The following ZKSCAN3 variants were observed in gnomAD, a reference collection of about 807,000 sequenced individuals.
The protein encoded by ZKSCAN3 is zinc finger with KRAB and SCAN domains 3, also known as zinc finger protein with KRAB and SCAN domains 3.
Under a neutral mutation model 30.7 loss-of-function variants are expected in ZKSCAN3, and 21 were observed. The ratio of observed to expected loss-of-function variants is 0.68; its 90% CI spans 0.49 to 0.99. ZKSCAN3 has a LOEUF of 0.99. Ranked by LOEUF, ZKSCAN3 falls within the 50% of genes least tolerant of loss-of-function variation. The probability of loss-of-function intolerance (pLI) is 0.00; values close to 1 mark genes in which losing one functional copy is unlikely to be tolerated. For synonymous variants in ZKSCAN3, 201 were observed against 246.7 expected (o/e 0.81, Z 1.73); for missense variants, 507 against 647.1 (o/e 0.78, Z 2.35).
In ZKSCAN3 at chr6:28,359,717, G is replaced by C; in HGVS notation, c.131G>C (p.Gly44Ala). The C allele has an allele frequency of 6.2e-7, 1 of 1,614,234 alleles. No homozygotes were observed. The highest frequency in any genetic ancestry group is 1.3e-5 in the African/African-American group (1 of 75,068). ...FPSSPDLGSE[G>A]SRERFRGFRY... ...AGTAGCCCAGATCTGGGTTCTGAGG[G>C]CTCCCGCGAGCGCTTCCGAGGCTTC... The change falls in exon 2 of 6, where the codon GGC becomes GCC. Residue 44 changes from glycine to alanine, a missense_variant. Coordinates refer to ENST00000252211, the MANE Select transcript of ZKSCAN3 (RefSeq NM_024493.4).
At position 28,359,537 on chromosome 6, in the gene ZKSCAN3, G is replaced by GA; in HGVS notation, c.-47dup. 1 of 1,576,076 alleles carries GA rather than the reference G, an allele frequency of 6.3e-7. No individual in the cohort carries two copies. The highest frequency in any genetic ancestry group is 8.6e-7 in the Non-Finnish European group (1 of 1,160,610). On this transcript the variant is annotated 5_prime_UTR_variant, in exon 2 of 6. Transcript: ENST00000252211. The stretch of plus-strand genomic sequence containing the variant: ...TCCCACCTTTCAGGGATCTTCTGCA[G>GA]AAATAGCGCTGGAAGCTAGAGTGAG...
chr6:28,364,369 C>T (rs772268647), intron 5 of ZKSCAN3, among the ~76,000 whole-genome samples: 4 of 152,198 alleles, frequency 2.6e-5, no homozygotes, highest in Non-Finnish European at 5.9e-5. Context: ...ACCCCGAGTA[C>T]AGGTCTGGCT....
chr6:28,354,291 A>G (rs1765274716), intron 1 of ZKSCAN3: 1 of 242,824 alleles, frequency 4.1e-6, no homozygotes, highest in African/African-American at 2.2e-5. Flanking sequence ...AACAGGTTAT[A>G]TAACAAGTGG....
intron 1 of ZKSCAN3, chr6:28,353,408 C>T (rs1459311692): frequency 1.3e-5 from 2 of 154,754 alleles, no homozygotes; most frequent in Admixed American, 6.4e-5. Context: ...TCAGGTTTCC[C>T]TTCCCTCTTA....
intron 1 of ZKSCAN3, chr6:28,355,380 C>T (rs980235214): frequency 4.6e-5 from 7 of 152,174 alleles, no homozygotes; most frequent in Non-Finnish European, 1.0e-4. Flanking sequence ...CAGGCTGTCA[C>T]GAGTCTAAAG....
intron 1 of ZKSCAN3, among the ~76,000 whole-genome samples, chr6:28,357,495 G>A (rs1310206863): frequency 6.6e-6 from 1 of 152,208 alleles, no homozygotes; most frequent in African/African-American, 2.4e-5. Context: ...TTGAAGTAAG[G>A]ACAAGTGAGT....
rs778458044 is a variant in ZKSCAN3 at position 28,368,630 on chromosome 6, G to A, written c.*2345G>A. 7.1e-5 allele frequency: 11 copies of A among 154,772 alleles called. No individual in the cohort carries two copies. Among genetic ancestry groups the A allele is most frequent in the East Asian group, 1.9e-4 (1 of 5,182 alleles). The allele number at this position is 154,772 out of a possible 1,614,324, so 9.6% of individuals were successfully genotyped here. A position where few individuals can be genotyped will look rare whatever the true frequency, so the allele number is the denominator to read the frequency against. On this transcript the variant is annotated 3_prime_UTR_variant, in exon 6 of 6. Transcript: ENST00000252211. ...TTCTGCTGCAAACTTTTGTGTAAGCGCTTCACCTTATTCCTACAATAAGGA... is the reference window on the plus strand; with the variant it reads ...TTCTGCTGCAAACTTTTGTGTAAGCACTTCACCTTATTCCTACAATAAGGA...
At chr6:28,360,088 ATC>A (rs774297205) in intron 2 of ZKSCAN3, 100 bp downstream of exon 2, 44 of 1,594,954 alleles carry the variant, frequency 2.8e-5, no homozygotes, top group Non-Finnish European at 3.6e-5. Context: ...GGAGTTCTTC[ATC>A]TCTTTTTTGT....
intron 1 of ZKSCAN3, chr6:28,355,474 C>G (rs1765364367): frequency 6.6e-6 from 1 of 152,222 alleles, no homozygotes. Flanking sequence ...CAAAAGTCTA[C>G]TGGCATTCTA....
At chr6:28,353,154 A>C (rs1180269995) in intron 1 of ZKSCAN3, among the ~76,000 whole-genome samples, 1 of 151,786 alleles carries the variant, frequency 6.6e-6, no homozygotes, top group African/African-American at 2.4e-5. Context: ...TTTTTAGTAG[A>C]GACGGGGTTT....
chr6:28,368,505 G>A lies in ZKSCAN3; in HGVS notation c.*2220G>A, dbSNP rs1561943839. 6.6e-6 allele frequency: 1 copy of A among 151,808 alleles called. No homozygotes were observed. Among genetic ancestry groups the A allele is most frequent in the Non-Finnish European group, 1.5e-5 (1 of 67,946 alleles). 9.4% of individuals were successfully genotyped at this position (151,808 alleles called of 1,614,324 possible). ...CATGATAGTCAAAATTTTAGTCTGT[G>A]TATTCAAGTGAGAAAATTTTTAGTC... On this transcript the variant is annotated 3_prime_UTR_variant, in exon 6 of 6. Coordinates refer to ENST00000252211, the MANE Select transcript of ZKSCAN3 (RefSeq NM_024493.4).
chr6:28,352,964 C>CTTTTTT (rs5875156), intron 1 of ZKSCAN3, among the ~76,000 whole-genome samples: 4 of 129,914 alleles, frequency 3.1e-5, no homozygotes, highest in Non-Finnish European at 3.2e-5. Flanking sequence ...TTTTCTTTTT[C>CTTTTTT]TTTTTTTTTT....
intron 2 of ZKSCAN3, chr6:28,360,793 T>G (rs1446167222): frequency 2.0e-6 from 2 of 976,038 alleles, no homozygotes; most frequent in Non-Finnish European, 2.4e-6. Flanking sequence ...TGTGGGAAAT[T>G]CTGAGCTGCA....
intron 1 of ZKSCAN3, among the ~76,000 whole-genome samples, chr6:28,354,792 T>C (rs2113903622): frequency 6.6e-6 from 1 of 152,336 alleles, no homozygotes; most frequent in African/African-American, 2.4e-5. Flanking sequence ...AGTCATCCTT[T>C]CTCTCATAGA....
At chr6:28,363,199 A>C in intron 3 of ZKSCAN3, 104 bp from the exon 4 acceptor site, 3 of 1,028,568 alleles carry the variant, frequency 2.9e-6, no homozygotes, top group Non-Finnish European at 4.3e-6. Flanking sequence ...GGGCTCAATC[A>C]AGTGAGACAG....
chr6:28,353,952 G>A (rs1308620626), intron 1 of ZKSCAN3: 3 of 455,028 alleles, frequency 6.6e-6, no homozygotes, highest in Non-Finnish European at 1.3e-5. Flanking sequence ...AACACTCGGG[G>A]CTGTAGGCAG....
chr6:28,362,401 T>A (rs1392756797), intron 3 of ZKSCAN3, among the ~76,000 whole-genome samples: 2 of 152,192 alleles, frequency 1.3e-5, no homozygotes, highest in Non-Finnish European at 2.9e-5. Context: ...ATTAAAACAA[T>A]ATGAAATTCA....
chr6:28,362,798 C>G (rs1384421117), intron 3 of ZKSCAN3, among the ~76,000 whole-genome samples: 1 of 152,198 alleles, frequency 6.6e-6, no homozygotes, highest in Non-Finnish European at 1.5e-5. Flanking sequence ...CCAGCTTTGT[C>G]TGACTCCTTT....
intron 1 of ZKSCAN3, among the ~76,000 whole-genome samples, chr6:28,358,419 C>T: frequency 6.6e-6 from 1 of 152,094 alleles, no homozygotes. Flanking sequence ...TTTGTAAACA[C>T]TTTTTATATT....
Sources: gnomAD v4.1 joint callset for allele counts (sites outside exome capture counted in the v4.1 genomes callset) on GRCh38, gnomAD v4.1.1 for gene constraint, MANE v1.5 for transcripts, NCBI Gene and HGNC (gene_info 2026-07-23, HGNC 2026-07-21) for gene names.